Variants in MAP3K8 observed in about 807,000 individuals in gnomAD.
MAP3K8 encodes mitogen-activated protein kinase kinase kinase 8, also known as Ewing sarcoma transformant.
A neutral mutation model predicts 45.8 loss-of-function variants in MAP3K8; 22 were observed. That is an observed-to-expected ratio of 0.48 (90% CI 0.34 to 0.69). The LOEUF (loss-of-function observed/expected upper bound fraction) is 0.69, where lower values mean the gene tolerates loss of function less well. Ranked by LOEUF, MAP3K8 falls within the 30% of genes least tolerant of loss-of-function variation. MAP3K8 has a pLI of 0.01. For synonymous variants in MAP3K8, 223 were observed against 214.3 expected (o/e 1.04, Z -0.36); for missense variants, 419 against 585.0 (o/e 0.72, Z 2.93).
intron 3 of MAP3K8, among the ~76,000 whole-genome samples, chr10:30,443,453 C>G (rs1836186718): frequency 6.6e-6 from 1 of 152,210 alleles, no homozygotes; most frequent in Admixed American, 6.5e-5. Flanking sequence ...TCTCTTCTTT[C>G]ACATGCATTT....
chr10:30,444,203 A>AT (rs1403860295), intron 3 of MAP3K8, among the ~76,000 whole-genome samples: 1 of 151,510 alleles, frequency 6.6e-6, no homozygotes, highest in Non-Finnish European at 1.5e-5. Flanking sequence ...AAAAAAAAAA[A>AT]TTTATACGGG....
At chr10:30,449,181 T>C (rs1836448990) in intron 4 of MAP3K8, among the ~76,000 whole-genome samples, 2 of 151,844 alleles carry the variant, frequency 1.3e-5, no homozygotes, top group South Asian at 4.2e-4. Context: ...CCTTGGAGAG[T>C]AGCGACTGGA....
At position 30,439,220 on chromosome 10, in the gene MAP3K8, T is replaced by C; in HGVS notation, c.282T>C (p.Thr94=). The part of the protein sequence containing the change: ...LLAFANHISN[T]AKHFYGQRPQ... ...CTTTTGCAAACCATATATCCAACACTGCAAAGCATTTTTATGGACAACGAC... is the reference window on the plus strand; with the variant it reads ...CTTTTGCAAACCATATATCCAACACCGCAAAGCATTTTTATGGACAACGAC... The change falls in exon 3 of 9, where the codon ACT becomes ACC. Residue 94 remains threonine, a synonymous_variant. Coordinates refer to ENST00000263056, the MANE Select transcript of MAP3K8 (RefSeq NM_005204.4). The C allele has an allele frequency of 1.2e-6, 2 of 1,614,242 alleles. No individual in the cohort carries two copies. Among genetic ancestry groups the C allele is most frequent in the Non-Finnish European group, 1.7e-6 (2 of 1,180,050 alleles).
At chr10:30,438,040 A>G (rs1260249408) in intron 2 of MAP3K8, among the ~76,000 whole-genome samples, 1 of 152,182 alleles carries the variant, frequency 6.6e-6, no homozygotes, top group Non-Finnish European at 1.5e-5. Context: ...GCTGATTTGT[A>G]TATAAGAGCT....
intron 7 of MAP3K8, 59 bp downstream of exon 7, chr10:30,458,295 C>A: frequency 7.9e-7 from 1 of 1,269,862 alleles, no homozygotes; most frequent in Non-Finnish European, 1.1e-6. Flanking sequence ...TTATGCATCC[C>A]GCAGGCTTGG....
At chr10:30,452,622 CAA>C (rs201850531) in intron 6 of MAP3K8, among the ~76,000 whole-genome samples, 14 of 129,452 alleles carry the variant, frequency 1.1e-4, no homozygotes, top group East Asian at 2.2e-4. Context: ...GATGTTGCTT[CAA>C]AAAAAAAAAA....
intron 4 of MAP3K8, among the ~76,000 whole-genome samples, chr10:30,448,804 C>G (rs1836435836): frequency 6.6e-6 from 1 of 152,200 alleles, no homozygotes; most frequent in Non-Finnish European, 1.5e-5. Flanking sequence ...ATAAGGTGAG[C>G]ATTCACACCC....
chr10:30,447,955 T>C lies in MAP3K8; in HGVS notation c.504+6T>C, dbSNP rs1376727493. 1.3e-6 allele frequency: 2 copies of C among 1,599,218 alleles called. No individual in the cohort carries two copies. The highest frequency in any genetic ancestry group is 4.5e-5 in the East Asian group (2 of 44,762). ...AAAGAATGGCGTGTAAACTGGTATG[T>C]GTTTTCTACCTAGATAACCCACACT... On this transcript the variant is annotated splice_donor_region_variant and intron_variant, in intron 4 of 8. Transcript: ENST00000263056.
At chr10:30,437,969 A>G (rs1300507611) in intron 2 of MAP3K8, among the ~76,000 whole-genome samples, 1 of 152,208 alleles carries the variant, frequency 6.6e-6, no homozygotes, top group Non-Finnish European at 1.5e-5. Context: ...CTGAGTAACA[A>G]CGTCAGTTTT....
rs765256009 is a variant in MAP3K8 at position 30,459,315 on chromosome 10, G to T, written c.1087G>T (p.Glu363Ter). ...IADDCSPGMRELIEASLERNP... is the reference protein window; with the variant it reads ...IADDCSPGMR ...AGATGACTGCAGTCCAGGGATGAGA[G>T]AGCTGATAGAAGCTTCCCTGGAGAG... Residue 363 changes from glutamate (E) to a stop codon, truncating the protein, a stop_gained, in exon 8 of 9, where the codon GAG becomes TAG. Coordinates refer to ENST00000263056, the MANE Select transcript of MAP3K8 (RefSeq NM_005204.4). LOFTEE classifies it high-confidence loss of function. 1 of 1,614,148 alleles carries T rather than the reference G, an allele frequency of 6.2e-7. No homozygotes were observed.
At position 30,434,356 on chromosome 10, in the gene MAP3K8, G is replaced by C; in HGVS notation, c.-277G>C. ...GGGCCGCGGCTGGAGCGCTCGGCCG[G>C]CGTGGGAGCGCCAAGGCCGCAGGTA... On this transcript the variant is annotated 5_prime_UTR_variant, in exon 1 of 9. Coordinates refer to ENST00000263056, the MANE Select transcript of MAP3K8 (RefSeq NM_005204.4). 1.3e-6 allele frequency: 1 copy of C among 741,546 alleles called. No homozygotes were observed. Among genetic ancestry groups the C allele is most frequent in the Non-Finnish European group, 1.6e-6 (1 of 606,962 alleles). The allele number at this position is 741,546 out of a possible 1,614,324, so 45.9% of individuals were successfully genotyped here. A position where few individuals can be genotyped will look rare whatever the true frequency, so the allele number is the denominator to read the frequency against.
intron 8 of MAP3K8, among the ~76,000 whole-genome samples, chr10:30,459,823 T>C (rs1185351304): frequency 1.3e-5 from 2 of 152,076 alleles, no homozygotes; most frequent in Non-Finnish European, 2.9e-5. Context: ...AGCTTTGCAG[T>C]TGGTTCTTCT....
Position 30,458,125 on chromosome 10 carries a change from A to G in MAP3K8, c.915A>G (p.Ser305=). The change falls in exon 7 of 9, where the codon TCA becomes TCG. Residue 305 remains serine, a synonymous_variant. Transcript: ENST00000263056. ...SPEVILCRGH[S]TKADIYSLGA... Reference sequence around the variant, plus strand: ...AGGTCATCCTGTGCAGGGGCCATTCAACCAAAGCAGACATCTACAGCCTGG... The same window carrying G: ...AGGTCATCCTGTGCAGGGGCCATTCGACCAAAGCAGACATCTACAGCCTGG... 1 of 1,592,364 alleles carries G rather than the reference A, an allele frequency of 6.3e-7. No individual in the cohort carries two copies. The highest frequency in any genetic ancestry group is 8.6e-7 in the Non-Finnish European group (1 of 1,169,024).
chr10:30,442,008 A>G (rs185353740), intron 3 of MAP3K8, among the ~76,000 whole-genome samples: 3 of 152,324 alleles, frequency 2.0e-5, no homozygotes, highest in Non-Finnish European at 2.9e-5. Flanking sequence ...CCTAGGTAAA[A>G]TCCATCTATA....
intron 2 of MAP3K8, among the ~76,000 whole-genome samples, chr10:30,438,038 G>A (rs1299935698): frequency 2.6e-5 from 4 of 152,142 alleles, no homozygotes; most frequent in African/African-American, 9.7e-5. Context: ...CAGCTGATTT[G>A]TATATAAGAG....
At chr10:30,445,228 T>A (rs1435038345) in intron 3 of MAP3K8, among the ~76,000 whole-genome samples, 1 of 151,782 alleles carries the variant, frequency 6.6e-6, no homozygotes, top group Non-Finnish European at 1.5e-5. Context: ...GAAACCCCAT[T>A]TCTACTAAAA....
chr10:30,460,764 C>T lies in MAP3K8; in HGVS notation c.1332C>T (p.Leu444=). The stretch of plus-strand genomic sequence containing the variant: ...AGATGCTCAAGAGGCAACGCTCTCT[C>T]TACATCGACCTCGGCGCTCTGGCTG... ...ESEMLKRQRS[L]YIDLGALAGY... The change falls in exon 9 of 9, where the codon CTC becomes CTT. Residue 444 remains leucine, a synonymous_variant. Transcript: ENST00000263056. The T allele has an allele frequency of 6.2e-7, 1 of 1,614,050 alleles. No individual in the cohort carries two copies. Among genetic ancestry groups the T allele is most frequent in the African/African-American group, 1.3e-5 (1 of 75,058 alleles).
intron 2 of MAP3K8, 59 bp downstream of exon 2, chr10:30,437,465 A>G (rs1227436331): frequency 1.3e-5 from 3 of 228,770 alleles, no homozygotes; most frequent in African/African-American, 2.3e-5. Context: ...GAGAGAGGTT[A>G]CGTTACTTGC....
At chr10:30,446,544 A>G (rs561246584) in intron 3 of MAP3K8, among the ~76,000 whole-genome samples, 1 of 152,006 alleles carries the variant, frequency 6.6e-6, no homozygotes, top group African/African-American at 2.4e-5. Context: ...CAAAAAAAAA[A>G]AAAAAAAGAA....
Sources: gnomAD v4.1 joint callset for allele counts (sites outside exome capture counted in the v4.1 genomes callset) on GRCh38, gnomAD v4.1.1 for gene constraint, MANE v1.5 for transcripts, NCBI Gene and HGNC (gene_info 2026-07-23, HGNC 2026-07-21) for gene names.